PACSIN2: variants seen among roughly 807,000 people sequenced by gnomAD.
PACSIN2 encodes the protein protein kinase C and casein kinase substrate in neurons protein 2.
PACSIN2 carries 25 observed loss-of-function variants against 63.8 expected under a neutral mutation model. That is an observed-to-expected ratio of 0.39 (90% CI 0.29 to 0.55). The LOEUF (loss-of-function observed/expected upper bound fraction) is 0.55. PACSIN2 is among the 20% of genes least tolerant of loss of function. The probability of loss-of-function intolerance (pLI) is 0.62; values close to 1 mark genes in which losing one functional copy is unlikely to be tolerated. For missense variants in PACSIN2, 518 were observed against 646.9 expected (o/e 0.80, Z 2.16); for synonymous variants, 255 against 256.2 (o/e 1.00, Z 0.05).
intron 1 of PACSIN2, among the ~76,000 whole-genome samples, chr22:43,003,095 C>T (rs374762889): frequency 2.6e-5 from 4 of 152,214 alleles, no homozygotes. Flanking sequence ...ACAGAGACAA[C>T]GTACCTCTCT....
rs937747872 is a variant in PACSIN2, at chr22:42,951,836, G to A, written c.-77-39679C>T. Among the ~76,000 whole-genome samples, 8 of 150,512 alleles carry A rather than the reference G, an allele frequency of 5.3e-5. No homozygotes were observed. The South Asian group carries it at 1.2e-3, about 23-fold the overall frequency. On this transcript the variant is annotated intron_variant, in intron 1 of 10. Coordinates refer to ENST00000263246, the MANE Select transcript of PACSIN2 (RefSeq NM_001184970.3). ...TGTGATTCTAGCCCCTGCTTCCAGC[G>A]CCAGTCTCGCTCCTTCCAATCCCCA...
chr22:42,882,372 C>G (rs1929147643), intron 6 of PACSIN2, 68 bp from the exon 7 acceptor site: 1 of 1,529,384 alleles, frequency 6.5e-7, no homozygotes, highest in Non-Finnish European at 8.8e-7. Flanking sequence ...CAGCCCAGTG[C>G]CAGCCACAGC....
chr22:42,990,026 G>GTA (rs1261440429), intron 1 of PACSIN2, among the ~76,000 whole-genome samples: 4 of 23,438 alleles, frequency 1.7e-4, no homozygotes, highest in Non-Finnish European at 2.9e-4. Context: ...ACACACATAT[G>GTA]TATATATATG....
chr22:42,946,362 G>C (rs1169411868), intron 1 of PACSIN2, among the ~76,000 whole-genome samples: 4 of 152,160 alleles, frequency 2.6e-5, no homozygotes, highest in Non-Finnish European at 5.9e-5. Flanking sequence ...AGCACTCACT[G>C]ACTGCCACTG....
At chr22:42,901,483 G>A (rs1211093894) in intron 2 of PACSIN2, among the ~76,000 whole-genome samples, 1 of 152,176 alleles carries the variant, frequency 6.6e-6, no homozygotes, top group Non-Finnish European at 1.5e-5. Context: ...TCTCATGAGG[G>A]GAGCAGCACA....
intron 1 of PACSIN2, among the ~76,000 whole-genome samples, chr22:42,981,425 T>G (rs1922113871): frequency 9.2e-6 from 1 of 108,908 alleles, no homozygotes; most frequent in Non-Finnish European, 1.9e-5. Context: ...CGGCCGCCCC[T>G]ACTGGGAAGT....
chr22:42,966,642 T>C (rs1347048652), intron 1 of PACSIN2, among the ~76,000 whole-genome samples: 4 of 152,174 alleles, frequency 2.6e-5, no homozygotes, highest in Non-Finnish European at 5.9e-5. Context: ...ACCAATGTGA[T>C]AGAGGGAACA....
At chr22:43,004,933 A>G (rs2146923652) in intron 1 of PACSIN2, among the ~76,000 whole-genome samples, 1 of 152,358 alleles carries the variant, frequency 6.6e-6, no homozygotes, top group African/African-American at 2.4e-5. Context: ...GAAACAAATC[A>G]ACAAGGCTGT....
chr22:42,956,920 C>A (rs1933939261), intron 1 of PACSIN2, among the ~76,000 whole-genome samples: 1 of 152,070 alleles, frequency 6.6e-6, no homozygotes, highest in African/African-American at 2.4e-5. Context: ...TTATAGACTG[C>A]AGAAGATAAG....
chr22:42,932,240 G>T (rs1281462845), intron 1 of PACSIN2, among the ~76,000 whole-genome samples: 1 of 152,136 alleles, frequency 6.6e-6, no homozygotes, highest in African/African-American at 2.4e-5. Flanking sequence ...TGTTCCCTCT[G>T]CCAGGAATGT....
intron 10 of PACSIN2, among the ~76,000 whole-genome samples, chr22:42,875,107 C>A (rs1458499361): frequency 6.6e-6 from 1 of 151,992 alleles, no homozygotes; most frequent in African/African-American, 2.4e-5. Flanking sequence ...GCCTCGGCCT[C>A]CCAAAGTGCT....
At chr22:42,908,332 G>A (rs1186972075) in intron 2 of PACSIN2, among the ~76,000 whole-genome samples, 1 of 151,786 alleles carries the variant, frequency 6.6e-6, no homozygotes, top group Non-Finnish European at 1.5e-5. Context: ...TCTCAGCCCT[G>A]CTAGGGACAG....
intron 1 of PACSIN2, chr22:42,993,699 C>G (rs1265709650): frequency 6.6e-6 from 1 of 152,248 alleles, no homozygotes; most frequent in Non-Finnish European, 1.5e-5. Flanking sequence ...TCTTCTGAGA[C>G]TGGCAGGAAT....
intron 8 of PACSIN2, among the ~76,000 whole-genome samples, chr22:42,878,230 T>C (rs1184317167): frequency 6.6e-6 from 1 of 152,230 alleles, no homozygotes; most frequent in Admixed American, 6.5e-5. Flanking sequence ...GGTGCTGGCC[T>C]GATCCCTGGG....
intron 1 of PACSIN2, among the ~76,000 whole-genome samples, chr22:42,953,006 T>A (rs1933766527): frequency 6.6e-6 from 1 of 152,058 alleles, no homozygotes. Context: ...TTATTTCAGA[T>A]GGAAAGCCCT....
Position 42,883,317 on chromosome 22 carries a change from T to C in PACSIN2, c.786-1013A>G, listed in dbSNP as rs1289150331. On this transcript the variant is annotated intron_variant, in intron 6 of 10. Coordinates refer to ENST00000263246, the MANE Select transcript of PACSIN2 (RefSeq NM_001184970.3). ...CCACTTTACAAGACTATCATAAAAA[T>C]GGAATGGTGGCAGAGCAGCAGCGGT... Among the ~76,000 whole-genome samples, 10 of 152,262 alleles carry C rather than the reference T, an allele frequency of 6.6e-5. No individual in the cohort carries two copies. In the East Asian group the frequency reaches 1.9e-3, roughly 29 times the overall value.
chr22:42,907,193 G>T (rs530929345), intron 2 of PACSIN2, among the ~76,000 whole-genome samples: 1 of 152,248 alleles, frequency 6.6e-6, no homozygotes, highest in African/African-American at 2.4e-5. Context: ...AAGAGCCAGG[G>T]AGTCCAGCTG....
intron 1 of PACSIN2, among the ~76,000 whole-genome samples, chr22:42,944,568 CAAAT>C (rs1489065168): frequency 6.6e-6 from 1 of 152,122 alleles, no homozygotes; most frequent in Non-Finnish European, 1.5e-5. Flanking sequence ...ATGCCCCAAG[CAAAT>C]AAACTCAAAG....
intron 1 of PACSIN2, among the ~76,000 whole-genome samples, chr22:42,992,636 AT>A (rs1487390414): frequency 6.6e-6 from 1 of 152,168 alleles, no homozygotes; most frequent in Non-Finnish European, 1.5e-5. Context: ...TGGCACACAA[AT>A]GTTAATAGCA....
Sources: gnomAD v4.1 joint callset for allele counts (sites outside exome capture counted in the v4.1 genomes callset) on GRCh38, gnomAD v4.1.1 for gene constraint, MANE v1.5 for transcripts, NCBI Gene and HGNC (gene_info 2026-07-23, HGNC 2026-07-21) for gene names.